The following TUBGCP5 variants were observed in gnomAD, a reference collection of about 807,000 sequenced individuals.
TUBGCP5 encodes the protein tubulin gamma complex component 5, also known as gamma-tubulin complex component 5.
A neutral mutation model predicts 134.7 loss-of-function variants in TUBGCP5; 98 were observed. The observed-to-expected ratio is 0.73, with a 90% CI of 0.62 to 0.86. TUBGCP5 has a LOEUF of 0.86. Ranked by LOEUF, TUBGCP5 falls within the 40% of genes least tolerant of loss-of-function variation. TUBGCP5 has a pLI of 0.00. For synonymous variants in TUBGCP5, 456 were observed against 431.4 expected (o/e 1.06, Z -0.71); for missense variants, 1,150 against 1,244.8 (o/e 0.92, Z 1.15).
intron 13 of TUBGCP5, among the ~76,000 whole-genome samples, chr15:23,011,818 T>C (rs2065048963): frequency 6.8e-6 from 1 of 146,416 alleles, no homozygotes; most frequent in Non-Finnish European, 1.5e-5. Flanking sequence ...GCCCAAGAAA[T>C]ATTAAATAAT....
At chr15:22,996,189 T>C (rs1412217144), downstream of TUBGCP5, among the ~76,000 whole-genome samples, 1 of 152,230 alleles carries the variant, frequency 6.6e-6, no homozygotes, top group Non-Finnish European at 1.5e-5. Flanking sequence ...GCCATATAGT[T>C]TCCCCAAGTG....
rs1249422753 is a variant in TUBGCP5, at chr15:23,003,115, G to A, written c.2877C>T (p.Asn959=). ...FVKEAIMKVL[N]LALMFADGWQ... Reference sequence around the variant, plus strand: ...AACCGTCTGCAAACATGAGAGCCAAGTTCAACACCTTCATGATAGCTTCTT... The same window carrying A: ...AACCGTCTGCAAACATGAGAGCCAAATTCAACACCTTCATGATAGCTTCTT... Residue 959 remains asparagine (N), a synonymous_variant, in exon 21 of 23, where the codon AAC becomes AAT. Coordinates refer to ENST00000615383, the MANE Select transcript of TUBGCP5 (RefSeq NM_052903.6). 4.3e-6 allele frequency: 7 copies of A among 1,614,060 alleles called. No homozygotes were observed. Among genetic ancestry groups the A allele is most frequent in the African/African-American group, 1.3e-5 (1 of 74,920 alleles).
At chr15:23,016,698 G>A (rs1490638531) in intron 13 of TUBGCP5, among the ~76,000 whole-genome samples, 1 of 151,928 alleles carries the variant, frequency 6.6e-6, no homozygotes, top group Admixed American at 6.6e-5. Context: ...TGGTGAGGAT[G>A]TGGAGAAAAG....
At chr15:23,003,297 T>C (rs2064498026) in intron 20 of TUBGCP5, 144 bp from the exon 21 acceptor site, 7 of 698,034 alleles carry the variant, frequency 1.0e-5, no homozygotes, top group African/African-American at 1.8e-5. Context: ...TACTAGGCTC[T>C]GAACCATGCC....
At chr15:23,000,362 C>T (rs1334339448) in intron 22 of TUBGCP5, 3 of 1,294,626 alleles carry the variant, frequency 2.3e-6, no homozygotes, top group East Asian at 2.8e-5. Flanking sequence ...AAATGGTATA[C>T]CAGAAAGTAA....
chr15:22,992,502 ATG>A (rs904750104), intron 23 of TUBGCP5, among the ~76,000 whole-genome samples: 2 of 152,106 alleles, frequency 1.3e-5, no homozygotes, highest in African/African-American at 4.8e-5. Context: ...ATGTATGTAT[ATG>A]TGTGTCACAC....
At chr15:23,024,296 CAGT>C in intron 9 of TUBGCP5, 103 bp from the exon 10 acceptor site, 1 of 1,376,234 alleles carries the variant, frequency 7.3e-7, no homozygotes, top group Non-Finnish European at 9.9e-7. Context: ...TTGTTTTAAA[CAGT>C]ATGTTTAGTA....
Position 23,008,734 on chromosome 15 carries a change from T to C in TUBGCP5, c.2292A>G (p.Glu764=). ...CTTCAGGATAACGCTGTCCTACTGC[T>C]TCTTGGAGTTGGACATTAAGAAAAG... The part of the protein sequence containing the change: ...NVSFLNVQLQ[E]AVGQRYPEDS... The change falls in exon 16 of 23, where the codon GAA becomes GAG. Residue 764 remains glutamate, a synonymous_variant. Transcript: ENST00000615383. The C allele has an allele frequency of 6.2e-7, 1 of 1,607,410 alleles. No individual in the cohort carries two copies. Among genetic ancestry groups the C allele is most frequent in the Admixed American group, 1.7e-5 (1 of 57,786 alleles).
chr15:23,007,264 C>G (rs2064774860), intron 16 of TUBGCP5, among the ~76,000 whole-genome samples: 1 of 152,110 alleles, frequency 6.6e-6, no homozygotes, highest in Non-Finnish European at 1.5e-5. Flanking sequence ...TAGCTGGGCG[C>G]CTGTAGTCCC....
chr15:23,027,244 G>T lies in TUBGCP5; in HGVS notation c.685C>A (p.Pro229Thr). 6.2e-7 allele frequency: 1 copy of T among 1,613,990 alleles called. No individual in the cohort carries two copies. The highest frequency in any genetic ancestry group is 8.5e-7 in the Non-Finnish European group (1 of 1,179,978). Residue 229 changes from proline to threonine, a missense_variant, in exon 7 of 23, where the codon CCC becomes ACC. By Grantham distance (38) the Pro-to-Thr change is conservative (BLOSUM62 -1). This residue lies in a region of TUBGCP5 where 453 missense variants were observed against 394.7 expected (regional missense o/e 1.15). Coordinates refer to ENST00000615383, the MANE Select transcript of TUBGCP5 (RefSeq NM_052903.6). ...TGTAAACTATGAGGAAACTGGGAGG[G>T]CCTGGCTGTCCAGTACTGATGGACC... ...HVVHQYWTAR[P>T]SQFPHSLHLH...
intron 22 of TUBGCP5, among the ~76,000 whole-genome samples, chr15:23,000,067 T>G (rs1382656439): frequency 1.3e-5 from 2 of 152,064 alleles, no homozygotes; most frequent in Admixed American, 6.6e-5. Flanking sequence ...TGTGCCACCA[T>G]GCCTAGCTCA....
At chr15:23,000,216 A>G (rs2140395038) in intron 22 of TUBGCP5, 1 of 1,162,394 alleles carries the variant, frequency 8.6e-7, no homozygotes, top group Non-Finnish European at 1.1e-6. Context: ...CAGGAGCTTT[A>G]AATTCCTAAA....
At chr15:22,999,944 A>G in intron 22 of TUBGCP5, 78 bp from the exon 23 acceptor site, 1 of 1,315,730 alleles carries the variant, frequency 7.6e-7, no homozygotes. Flanking sequence ...ACGGAGTCCC[A>G]CTGTCACCCA....
At position 23,000,560 on chromosome 15, in the gene TUBGCP5, T is replaced by C; in HGVS notation, c.3028+9A>G. The C allele has an allele frequency of 6.2e-7, 1 of 1,611,312 alleles. No individual in the cohort carries two copies. Among genetic ancestry groups the C allele is most frequent in the Non-Finnish European group, 8.5e-7 (1 of 1,178,758 alleles). On this transcript the variant is annotated intron_variant, in intron 22 of 22. Coordinates refer to ENST00000615383, the MANE Select transcript of TUBGCP5 (RefSeq NM_052903.6). ...CAGAGGTAGAAATATTTTAACATGA[T>C]ATACTCACAATGGGGAAAGGATCCT...
At chr15:23,031,606 C>T (rs1471597593) in intron 5 of TUBGCP5, among the ~76,000 whole-genome samples, 1 of 152,078 alleles carries the variant, frequency 6.6e-6, no homozygotes, top group Admixed American at 6.6e-5. Flanking sequence ...TTGTGAGCCA[C>T]CAAGCCCAGA....
In TUBGCP5 at chr15:23,036,925, G is replaced by A. The variant is rs201798693; in HGVS notation, c.281C>T (p.Ala94Val). The A allele has an allele frequency of 2.4e-5, 38 of 1,611,544 alleles. 1 individual carries two copies. In the African/African-American group the frequency reaches 3.7e-4, roughly 16 times the overall value. Residue 94 changes from alanine to valine, a missense_variant, in exon 3 of 23, where the codon GCA becomes GTA. Ala to Val is a moderately conservative substitution (Grantham distance 64, BLOSUM62 0). Around this residue, in one of 2 missense-constraint regions of TUBGCP5, gnomAD observed 453 missense variants for 394.7 expected, o/e 1.15. Coordinates refer to ENST00000615383, the MANE Select transcript of TUBGCP5 (RefSeq NM_052903.6). ...WKRLTEEFLN[A>V]PLPSIKEIKT... ...TATTTCCTTTATACTGGGAAGTGGT[G>A]CATTTAGAAATTCCTCCGTTAATCT...
chr15:23,011,661 C>G (rs1299021484), intron 13 of TUBGCP5, among the ~76,000 whole-genome samples: 1 of 148,874 alleles, frequency 6.7e-6, no homozygotes, highest in African/African-American at 2.4e-5. Flanking sequence ...TGTGCCACCA[C>G]GCCCGGCTAA....
intron 23 of TUBGCP5, among the ~76,000 whole-genome samples, chr15:22,984,182 G>T (rs978907884): frequency 1.3e-5 from 2 of 152,182 alleles, no homozygotes; most frequent in African/African-American, 2.4e-5. Context: ...CTGGAAATGG[G>T]CCTAAGGGCA....
chr15:23,024,682 TTAC>T (rs2065891451), intron 9 of TUBGCP5, 52 bp downstream of exon 9: 10 of 923,762 alleles, frequency 1.1e-5, no homozygotes, highest in Middle Eastern at 6.7e-4. Flanking sequence ...TAAAATTATA[TTAC>T]TAGTTTACAT....
Sources: gnomAD v4.1 joint callset for allele counts (sites outside exome capture counted in the v4.1 genomes callset) on GRCh38, gnomAD v4.1.1 for gene constraint, gnomAD v4.1.1 regional missense constraint, MANE v1.5 for transcripts, NCBI Gene and HGNC (gene_info 2026-07-23, HGNC 2026-07-21) for gene names.